Variants in RUNDC3B observed in about 807,000 individuals in gnomAD.
The protein encoded by RUNDC3B is RUN domain containing 3B.
A neutral mutation model predicts 58.4 loss-of-function variants in RUNDC3B; 33 were observed. That is an observed-to-expected ratio of 0.56 (90% CI 0.43 to 0.75). The LOEUF (loss-of-function observed/expected upper bound fraction) is 0.75. RUNDC3B is among the 30% of genes least tolerant of loss of function. RUNDC3B has a pLI of 0.00. For missense variants in RUNDC3B, 501 were observed against 535.7 expected (o/e 0.94, Z 0.64); for synonymous variants, 193 against 195.2 (o/e 0.99, Z 0.10).
intron 8 of RUNDC3B, among the ~76,000 whole-genome samples, chr7:87,793,509 G>A (rs113629897): frequency 0.03 from 4,539 of 152,128 alleles, 64 homozygotes; most frequent in Middle Eastern, 0.048. Flanking sequence ...AGGGATATAA[G>A]GATGGTTCAA....
chr7:87,707,958 T>A (rs1356253294), intron 3 of RUNDC3B, among the ~76,000 whole-genome samples: 1 of 151,990 alleles, frequency 6.6e-6, no homozygotes, highest in African/African-American at 2.4e-5. Context: ...ACAATTGAAA[T>A]TGAAAAATAT....
intron 2 of RUNDC3B, among the ~76,000 whole-genome samples, chr7:87,676,872 C>T (rs1490408735): frequency 6.6e-6 from 1 of 151,976 alleles, no homozygotes; most frequent in Non-Finnish European, 1.5e-5. Context: ...TATGAAAAGA[C>T]ACTCGATATC....
intron 4 of RUNDC3B, among the ~76,000 whole-genome samples, chr7:87,726,621 C>G (rs1831248453): frequency 6.6e-6 from 1 of 152,062 alleles, no homozygotes; most frequent in South Asian, 2.1e-4. Flanking sequence ...TTTTCCAATT[C>G]TGTGAAGAAA....
intron 4 of RUNDC3B, among the ~76,000 whole-genome samples, chr7:87,738,216 C>T (rs963456288): frequency 1.9e-4 from 29 of 150,932 alleles, no homozygotes; most frequent in Non-Finnish European, 7.4e-5. Context: ...ATAGTTCTTC[C>T]AGGGGTTAAT....
intron 8 of RUNDC3B, among the ~76,000 whole-genome samples, chr7:87,784,549 C>T (rs1272634747): frequency 6.6e-6 from 1 of 151,962 alleles, no homozygotes; most frequent in Non-Finnish European, 1.5e-5. Context: ...GCATTGTGTG[C>T]TAAAGGAATT....
At chr7:87,714,887 C>G (rs369377720) in intron 4 of RUNDC3B, among the ~76,000 whole-genome samples, 1 of 152,048 alleles carries the variant, frequency 6.6e-6, no homozygotes, top group Non-Finnish European at 1.5e-5. Context: ...TCCCTGACCG[C>G]ACGTCCATTC....
intron 8 of RUNDC3B, among the ~76,000 whole-genome samples, chr7:87,782,441 T>A (rs1195161076): frequency 2.6e-5 from 4 of 152,138 alleles, no homozygotes; most frequent in African/African-American, 9.7e-5. Flanking sequence ...ATTGATCCTT[T>A]GAGTAGGTTT....
At chr7:87,805,311 G>T (rs1836380029) in intron 8 of RUNDC3B, among the ~76,000 whole-genome samples, 5 of 152,128 alleles carry the variant, frequency 3.3e-5, no homozygotes, top group Admixed American at 3.3e-4. Context: ...TGAAAGAAAA[G>T]GCCTTACACA....
In RUNDC3B at chr7:87,649,343, A is replaced by C. The variant is rs183045203; in HGVS notation, c.123-1479A>C. Among the ~76,000 whole-genome samples the C allele has an allele frequency of 1.4e-4, 22 of 152,350 alleles. No homozygotes were observed. The East Asian group carries it at 3.9e-3, about 27-fold the overall frequency. Reference sequence around the variant, plus strand: ...CAGGTACCTACTGGGTACAACGTTCAAAGCATTGTCCTAGGTGCTGAGGGA... The same window carrying C: ...CAGGTACCTACTGGGTACAACGTTCCAAGCATTGTCCTAGGTGCTGAGGGA... On this transcript the variant is annotated intron_variant, in intron 1 of 10. Coordinates refer to ENST00000394654, the MANE Select transcript of RUNDC3B (RefSeq NM_001134405.2).
At chr7:87,669,272 C>A (rs1825593944) in intron 2 of RUNDC3B, among the ~76,000 whole-genome samples, 1 of 151,896 alleles carries the variant, frequency 6.6e-6, no homozygotes, top group African/African-American at 2.4e-5. Flanking sequence ...TTTGAAATCT[C>A]TTTTGTCTGA....
At chr7:87,728,849 G>T (rs1048103206) in intron 4 of RUNDC3B, among the ~76,000 whole-genome samples, 1 of 152,080 alleles carries the variant, frequency 6.6e-6, no homozygotes, top group African/African-American at 2.4e-5. Context: ...TCACCCCCTC[G>T]TGAGATTTTC....
intron 8 of RUNDC3B, among the ~76,000 whole-genome samples, chr7:87,793,094 T>C (rs1835616471): frequency 6.6e-6 from 1 of 152,116 alleles, no homozygotes; most frequent in Non-Finnish European, 1.5e-5. Context: ...TTGGAAAATC[T>C]AGAGGAAATG....
intron 6 of RUNDC3B, among the ~76,000 whole-genome samples, chr7:87,748,611 C>A (rs1186994752): frequency 6.6e-6 from 1 of 152,172 alleles, no homozygotes; most frequent in Non-Finnish European, 1.5e-5. Flanking sequence ...CATACACACA[C>A]ACACATTCAA....
chr7:87,735,319 A>C (rs1831862332), intron 4 of RUNDC3B, among the ~76,000 whole-genome samples: 1 of 152,174 alleles, frequency 6.6e-6, no homozygotes. Context: ...ACAGTCATCT[A>C]GACCTCTTTT....
chr7:87,827,237 C>T (rs1213769839), intron 10 of RUNDC3B, among the ~76,000 whole-genome samples: 1 of 152,156 alleles, frequency 6.6e-6, no homozygotes, highest in African/African-American at 2.4e-5. Context: ...CCTGTAATCC[C>T]AGCACTTTGG....
intron 7 of RUNDC3B, among the ~76,000 whole-genome samples, chr7:87,776,270 T>C (rs1302445485): frequency 2.6e-5 from 4 of 152,128 alleles, no homozygotes; most frequent in Non-Finnish European, 5.9e-5. Flanking sequence ...CACAGCAATA[T>C]TGTTTATATT....
chr7:87,748,549 G>T (rs59524253), intron 6 of RUNDC3B, among the ~76,000 whole-genome samples: 1,740 of 152,092 alleles, frequency 0.011, 36 homozygotes, highest in African/African-American at 0.04. Context: ...TTATAATCAT[G>T]GCAAAGCTAT....
At chr7:87,757,761 A>G (rs1012573865) in intron 6 of RUNDC3B, among the ~76,000 whole-genome samples, 2 of 152,202 alleles carry the variant, frequency 1.3e-5, no homozygotes, top group Non-Finnish European at 2.9e-5. Context: ...TGCAAATACT[A>G]TAGAGCTATA....
intron 7 of RUNDC3B, among the ~76,000 whole-genome samples, chr7:87,774,385 AAAT>A (rs1834502478): frequency 6.6e-6 from 1 of 152,106 alleles, no homozygotes; most frequent in African/African-American, 2.4e-5. Flanking sequence ...GAAAGTAATA[AAAT>A]AATAGATATT....
Sources: allele counts gnomAD v4.1 joint callset (sites outside exome capture counted in the v4.1 genomes callset), GRCh38; gene constraint gnomAD v4.1.1; transcripts MANE v1.5; gene names NCBI Gene and HGNC (gene_info 2026-07-23, HGNC 2026-07-21).